The following CAMKV variants were observed in gnomAD, a reference collection of about 807,000 sequenced individuals.
CAMKV encodes CaM kinase like vesicle associated, also known as caM kinase-like vesicle-associated protein.
Under a neutral mutation model 50.2 loss-of-function variants are expected in CAMKV, and 5 were observed. That is an observed-to-expected ratio of 0.10 (90% confidence interval 0.05 to 0.21). The LOEUF (loss-of-function observed/expected upper bound fraction) is 0.21, where lower values mean the gene tolerates loss of function less well. Among genes scored for constraint, CAMKV ranks in the 10% least tolerant of loss-of-function variants. The probability of loss-of-function intolerance (pLI) is 1.00; values close to 1 mark genes in which losing one functional copy is unlikely to be tolerated. For missense variants in CAMKV, 361 were observed against 650.5 expected, an observed-to-expected ratio of 0.55 and a Z score of 4.84; for synonymous variants, 229 against 250.1, an observed-to-expected ratio of 0.92 and a Z score of 0.80.
chr3:49,861,390 G>A lies in CAMKV; in HGVS notation c.441+49C>T. The A allele has an allele frequency of 6.2e-7, 1 of 1,613,360 alleles. No individual in the cohort carries two copies. The highest frequency in any genetic ancestry group is 8.5e-7 in the Non-Finnish European group (1 of 1,179,602). On this transcript the variant is annotated intron_variant, in intron 5 of 10. Transcript: ENST00000477224. This position sits in a 1 kb window ranked among gnomAD's most constrained non-coding sequence, Gnocchi z 7.7. The stretch of plus-strand genomic sequence containing the variant: ...AGGCCCTGAGGTGCTGCCCACCCCA[G>A]CACCAGCCCAGCTGCCAACTGGCCC...
rs1041705270 is a variant in CAMKV at position 49,862,877 on chromosome 3, C to A, written c.-14-475G>T. On this transcript the variant is annotated intron_variant, in intron 1 of 10. Transcript: ENST00000477224. This position sits in a 1 kb window ranked among gnomAD's most constrained non-coding sequence, Gnocchi z 5.2. ...GTTTGGTAAAACCACTAAAGTCAAA[C>A]AAACATACCCTATGAACCAGCAATT... 2.0e-5 allele frequency among the ~76,000 whole-genome samples: 3 copies of A among 152,316 alleles called. No individual in the cohort carries two copies. Among genetic ancestry groups the A allele is most frequent in the East Asian group, 3.9e-4 (2 of 5,188 alleles).
Position 49,861,481 on chromosome 3 carries a change from C to T in CAMKV, c.399G>A (p.Val133=), listed in dbSNP as rs773506587. The T allele has an allele frequency of 3.1e-5, 50 of 1,614,036 alleles. No homozygotes were observed. In the Admixed American group the frequency reaches 7.0e-4, roughly 23 times the overall value. The change falls in exon 5 of 11, where the codon GTG becomes GTA. Residue 133 remains valine (V), a synonymous_variant. Coordinates refer to ENST00000477224, the MANE Select transcript of CAMKV (RefSeq NM_024046.5). The surrounding 1 kb of genome is among the most constrained non-coding windows in gnomAD (Gnocchi z 7.7). ...SNVVRQVLEA[V]AYLHSLKIVH... ...CGATCTTGAGTGAGTGCAAATAGGC[C>T]ACGGCCTCCAGGACTTGCCGTACCA... is the stretch of plus-strand genomic sequence containing the variant.
intron 1 of CAMKV, among the ~76,000 whole-genome samples, chr3:49,866,764 C>A (rs1190507586): frequency 1.3e-5 from 2 of 152,250 alleles, no homozygotes; most frequent in Non-Finnish European, 2.9e-5. Context: ...AATGGTCCCC[C>A]AGGGACTCTG....
Position 49,860,460 on chromosome 3 carries a change from A to T in CAMKV, c.854+11T>A. ...CCTGGCCTCTCCCACCCTCCCCTGG[A>T]CCCTGCTCACCACTCATGGGAGATG... is the stretch of plus-strand genomic sequence containing the variant. On this transcript the variant is annotated intron_variant, in intron 9 of 10. Coordinates refer to ENST00000477224, the MANE Select transcript of CAMKV (RefSeq NM_024046.5). The surrounding 1 kb of genome is among the most constrained non-coding windows in gnomAD (Gnocchi z 6.1). 6.2e-7 allele frequency: 1 copy of T among 1,608,070 alleles called. No individual in the cohort carries two copies. Among genetic ancestry groups the T allele is most frequent in the Non-Finnish European group, 8.5e-7 (1 of 1,175,656 alleles).
chr3:49,861,126 T>A lies in CAMKV; in HGVS notation c.562+54A>T, dbSNP rs1575406490. The A allele has an allele frequency of 2.5e-6, 4 of 1,586,100 alleles. No individual in the cohort carries two copies. The highest frequency in any genetic ancestry group is 2.6e-6 in the Non-Finnish European group (3 of 1,165,298). On this transcript the variant is annotated intron_variant, in intron 6 of 10. Coordinates refer to ENST00000477224, the MANE Select transcript of CAMKV (RefSeq NM_024046.5). This position sits in a 1 kb window ranked among gnomAD's most constrained non-coding sequence, Gnocchi z 7.7. Reference sequence around the variant, plus strand: ...ACATTTTCCCCCTGCCCAGAGCAGCTCCCTGAAGGCTGCCCCCCATTATCC... The same window carrying A: ...ACATTTTCCCCCTGCCCAGAGCAGCACCCTGAAGGCTGCCCCCCATTATCC...
At position 49,858,218 on chromosome 3, in the gene CAMKV, T is replaced by C; in HGVS notation, c.*1100A>G. The C allele has an allele frequency of 2.5e-6, 1 of 398,528 alleles. No homozygotes were observed. The highest frequency in any genetic ancestry group is 4.4e-6 in the Non-Finnish European group (1 of 226,036). The allele number at this position is 398,528 out of a possible 1,614,324, so 24.7% of individuals were successfully genotyped here. ...GGAAACTGGGGAGTTTAACCCTACT[T>C]CCTCATCCCAGAAAAAGCAACTCAA... On this transcript the variant is annotated 3_prime_UTR_variant, in exon 11 of 11. Coordinates refer to ENST00000477224, the MANE Select transcript of CAMKV (RefSeq NM_024046.5).
Position 49,859,108 on chromosome 3 carries a change from C to T in CAMKV, c.*210G>A. The stretch of plus-strand genomic sequence containing the variant: ...CAAGGAATCCATGCAGGGGCTGGGG[C>T]CGGCCCTGCCACTGGCCTGCCCACC... On this transcript the variant is annotated 3_prime_UTR_variant, in exon 11 of 11. Coordinates refer to ENST00000477224, the MANE Select transcript of CAMKV (RefSeq NM_024046.5). The surrounding 1 kb of genome is among the most constrained non-coding windows in gnomAD (Gnocchi z 5.5). 1 of 467,470 alleles carries T rather than the reference C, an allele frequency of 2.1e-6. No individual in the cohort carries two copies. The highest frequency in any genetic ancestry group is 1.9e-5 in the African/African-American group (1 of 51,594). 29.0% of individuals were successfully genotyped at this position (467,470 alleles called of 1,614,324 possible).
In CAMKV at chr3:49,859,330, C is replaced by T. The variant is rs141247488; in HGVS notation, c.1494G>A (p.Glu498=). 4.2e-4 allele frequency: 645 copies of T among 1,530,080 alleles called. No homozygotes were observed. Among genetic ancestry groups the T allele is most frequent in the Non-Finnish European group, 5.4e-4 (610 of 1,139,902 alleles). 94.8% of individuals were successfully genotyped at this position (1,530,080 alleles called of 1,614,324 possible). A position where few individuals can be genotyped will look rare whatever the true frequency, so the allele number is the denominator to read the frequency against. Residue 498 remains glutamate (E), a synonymous_variant, in exon 11 of 11, where the codon GAG becomes GAA. Coordinates refer to ENST00000477224, the MANE Select transcript of CAMKV (RefSeq NM_024046.5). This position sits in a 1 kb window ranked among gnomAD's most constrained non-coding sequence, Gnocchi z 5.5. ...CCAGGCTGCCTACTCAGCTGGCCTCCTCCCTTTGAGACTCCTGGGCATAAC... is the reference window on the plus strand; with the variant it reads ...CCAGGCTGCCTACTCAGCTGGCCTCTTCCCTTTGAGACTCCTGGGCATAAC... ...AAGYAQESQR[E]EAS is the part of the protein sequence containing the mutation.
Position 49,860,963 on chromosome 3 carries a change from A to G in CAMKV, c.618T>C (p.Ile206=). Residue 206 remains isoleucine (I), a synonymous_variant, in exon 7 of 11, where the codon ATT becomes ATC. Transcript: ENST00000477224. The surrounding 1 kb of genome is among the most constrained non-coding windows in gnomAD (Gnocchi z 6.1). ...RYGRPVDCWA[I]GVIMYILLSG... ...CTCACAGGATGTACATGATGACTCC[A>G]ATGGCCCAGCAGTCCACAGGGCGTC... is the stretch of plus-strand genomic sequence containing the variant. 1.2e-6 allele frequency: 2 copies of G among 1,614,076 alleles called. No homozygotes were observed. The highest frequency in any genetic ancestry group is 8.5e-7 in the Non-Finnish European group (1 of 1,180,008).
rs148595605 is a variant in CAMKV at position 49,862,184 on chromosome 3, C to T, written c.96-8G>A. 1.6e-5 allele frequency: 26 copies of T among 1,614,170 alleles called. 1 individual carries two copies. Among genetic ancestry groups the T allele is most frequent in the Middle Eastern group, 1.6e-4 (1 of 6,062 alleles). On this transcript the variant is annotated splice_region_variant and splice_polypyrimidine_tract_variant and intron_variant, in intron 2 of 10. Transcript: ENST00000477224. The surrounding 1 kb of genome is among the most constrained non-coding windows in gnomAD (Gnocchi z 5.2). ...ATTTCACAAAACTCCTCACTGCAGC[C>T]GACAGGCACCCACTCAGGCCTGGCC...
chr3:49,858,515 G>T lies in CAMKV; in HGVS notation c.*803C>A, dbSNP rs1170575469. The T allele has an allele frequency of 1.8e-5, 7 of 396,000 alleles. No individual in the cohort carries two copies. Among genetic ancestry groups the T allele is most frequent in the Non-Finnish European group, 3.1e-5 (7 of 225,120 alleles). 24.5% of individuals were successfully genotyped at this position (396,000 alleles called of 1,614,324 possible). A position where few individuals can be genotyped will look rare whatever the true frequency, so the allele number is the denominator to read the frequency against. On this transcript the variant is annotated 3_prime_UTR_variant, in exon 11 of 11. Coordinates refer to ENST00000477224, the MANE Select transcript of CAMKV (RefSeq NM_024046.5). ...GGACCCAGTAAGGCTGGGACACTGGGTGCTGGGCTTGTACTCTGCCCTGCC... is the reference window on the plus strand; with the variant it reads ...GGACCCAGTAAGGCTGGGACACTGGTTGCTGGGCTTGTACTCTGCCCTGCC...
chr3:49,864,656 T>A (rs556734918), intron 1 of CAMKV, among the ~76,000 whole-genome samples: 15 of 152,334 alleles, frequency 9.8e-5, no homozygotes, highest in Non-Finnish European at 1.6e-4. Context: ...ACACTGGGGC[T>A]ACAGCAAGCT....
Position 49,862,472 on chromosome 3 carries a change from G to A in CAMKV, c.-14-70C>T. 6 of 1,388,624 alleles carry A rather than the reference G, an allele frequency of 4.3e-6. No homozygotes were observed. The highest frequency in any genetic ancestry group is 5.1e-6 in the Non-Finnish European group (5 of 976,166). The allele number at this position is 1,388,624 out of a possible 1,614,324, so 86.0% of individuals were successfully genotyped here. On this transcript the variant is annotated intron_variant, in intron 1 of 10. Coordinates refer to ENST00000477224, the MANE Select transcript of CAMKV (RefSeq NM_024046.5). The surrounding 1 kb of genome is among the most constrained non-coding windows in gnomAD (Gnocchi z 5.2). ...TCCCCACAACATAGGGGCTGCTTTTGGGAGACCCCAACCTGGCTCAGGCCA... is the reference window on the plus strand; with the variant it reads ...TCCCCACAACATAGGGGCTGCTTTTAGGAGACCCCAACCTGGCTCAGGCCA...
In CAMKV at chr3:49,860,147, A is replaced by G; in HGVS notation, c.942+24T>C. ...AGAAGCAATACTTGGGATAGAGCCA[A>G]GAAGGGAGTTATCCAAGCCTTACCT... On this transcript the variant is annotated intron_variant, in intron 10 of 10. Coordinates refer to ENST00000477224, the MANE Select transcript of CAMKV (RefSeq NM_024046.5). The surrounding 1 kb of genome is among the most constrained non-coding windows in gnomAD (Gnocchi z 6.1). The G allele has an allele frequency of 6.2e-7, 1 of 1,600,640 alleles. No homozygotes were observed. The highest frequency in any genetic ancestry group is 8.6e-7 in the Non-Finnish European group (1 of 1,167,698).
rs757819063 is a variant in CAMKV at position 49,859,606 on chromosome 3, GGTGGCTGGGGTGACACTGCCATCA to G, written c.1194_1217del (p.Val402_Ser409del). On this transcript the variant is annotated inframe_deletion, in exon 11 of 11. Coordinates refer to ENST00000477224, the MANE Select transcript of CAMKV (RefSeq NM_024046.5). This position sits in a 1 kb window ranked among gnomAD's most constrained non-coding sequence, Gnocchi z 5.5. The stretch of plus-strand genomic sequence containing the variant: ...CAGTGGCTGGAGTGATGCTTCCATC[GGTGGCTGGGGTGACACTGCCATCA>G]GTGGCTGGGGTGGCACTTCCATCTG... The G allele has an allele frequency of 8.7e-6, 14 of 1,613,750 alleles. No individual in the cohort carries two copies. Among genetic ancestry groups the G allele is most frequent in the African/African-American group, 5.3e-5 (4 of 74,798 alleles).
At position 49,861,553 on chromosome 3, in the gene CAMKV, G is replaced by C. The variant is rs2082021333; in HGVS notation, c.327C>G (p.Asp109Glu). ...AGTAGTAGCCCTGGTCCAGGATCCAGTCAAACACCTCCCTCCCCGTGGCCC... is the reference window on the plus strand; with the variant it reads ...AGTAGTAGCCCTGGTCCAGGATCCACTCAAACACCTCCCTCCCCGTGGCCC... ...LELATGREVF[D>E]WILDQGYYSE... Residue 109 changes from aspartate to glutamate, a missense_variant, in exon 5 of 11, where the codon GAC becomes GAG. Around this residue, in one of 4 missense-constraint regions of CAMKV, gnomAD observed 172 missense variants for 414.3 expected, o/e 0.42. Coordinates refer to ENST00000477224, the MANE Select transcript of CAMKV (RefSeq NM_024046.5). The surrounding 1 kb of genome is among the most constrained non-coding windows in gnomAD (Gnocchi z 7.7). 1 of 1,614,168 alleles carries C rather than the reference G, an allele frequency of 6.2e-7. No individual in the cohort carries two copies. The highest frequency in any genetic ancestry group is 8.5e-7 in the Non-Finnish European group (1 of 1,180,038).
chr3:49,866,035 G>A (rs551475300), intron 1 of CAMKV, among the ~76,000 whole-genome samples: 1 of 152,328 alleles, frequency 6.6e-6, no homozygotes, highest in South Asian at 2.1e-4. Context: ...AAGCCTCAAG[G>A]CTGAGATGGG....
Position 49,860,368 on chromosome 3 carries a change from C to CA in CAMKV, c.854+102_854+103insT. 1 of 1,535,986 alleles carries CA rather than the reference C, an allele frequency of 6.5e-7. No individual in the cohort carries two copies. The highest frequency in any genetic ancestry group is 9.0e-7 in the Non-Finnish European group (1 of 1,112,730). On this transcript the variant is annotated intron_variant, in intron 9 of 10. Coordinates refer to ENST00000477224, the MANE Select transcript of CAMKV (RefSeq NM_024046.5). This position sits in a 1 kb window ranked among gnomAD's most constrained non-coding sequence, Gnocchi z 6.1. ...ACTACCAGGCAGAGCCTCTGGGCTG[C>CA]CCTGAGCTCTAGGTACCTGCACCCC...
At position 49,860,390 on chromosome 3, in the gene CAMKV, C is replaced by T. The variant is rs2082010744; in HGVS notation, c.854+81G>A. On this transcript the variant is annotated intron_variant, in intron 9 of 10. Transcript: ENST00000477224. The surrounding 1 kb of genome is among the most constrained non-coding windows in gnomAD (Gnocchi z 6.1). Reference sequence around the variant, plus strand: ...CTGCCCTGAGCTCTAGGTACCTGCACCCCTTCCAGGCCTCAAAGATGGGGC... The same window carrying T: ...CTGCCCTGAGCTCTAGGTACCTGCATCCCTTCCAGGCCTCAAAGATGGGGC... 6.4e-6 allele frequency: 10 copies of T among 1,553,348 alleles called. No individual in the cohort carries two copies. The highest frequency in any genetic ancestry group is 8.8e-6 in the Non-Finnish European group (10 of 1,130,432).
Sources: gnomAD v4.1 joint callset for allele counts (sites outside exome capture counted in the v4.1 genomes callset) on GRCh38, gnomAD v4.1.1 for gene constraint, gnomAD v4.1.1 regional missense constraint, Gnocchi (gnomAD v3.1) non-coding constraint, MANE v1.5 for transcripts, NCBI Gene and HGNC (gene_info 2026-07-23, HGNC 2026-07-21) for gene names.